The following SNX29 variants were observed in gnomAD, a reference collection of about 807,000 sequenced individuals.
SNX29 encodes the protein sorting nexin 29.
SNX29 carries 78 observed loss-of-function variants against 102.1 expected under a neutral mutation model. The ratio of observed to expected loss-of-function variants is 0.76; its 90% CI spans 0.64 to 0.92. The LOEUF (loss-of-function observed/expected upper bound fraction) is 0.92. SNX29 is among the 40% of genes least tolerant of loss of function. SNX29 has a pLI of 0.00. For synonymous variants in SNX29, 580 were observed against 414.5 expected (o/e 1.40, Z -4.85); for missense variants, 1,280 against 1,061.7 (o/e 1.21, Z -2.86).
At chr16:12,150,665 C>T (rs191789872) in intron 13 of SNX29, among the ~76,000 whole-genome samples, 5 of 152,308 alleles carry the variant, frequency 3.3e-5, no homozygotes, top group East Asian at 1.9e-4. Flanking sequence ...AGATAGTGTG[C>T]GTGAGCTGCA....
At chr16:12,016,570 T>A (rs919244232) in intron 3 of SNX29, among the ~76,000 whole-genome samples, 3 of 152,208 alleles carry the variant, frequency 2.0e-5, no homozygotes, top group Non-Finnish European at 4.4e-5. Context: ...TCTGTGTCCT[T>A]GCTAGCATTT....
At chr16:12,319,262 C>G (rs113195389) in intron 15 of SNX29, among the ~76,000 whole-genome samples, 7,656 of 152,236 alleles carry the variant, frequency 0.05, 286 homozygotes, top group African/African-American at 0.098. Flanking sequence ...CTGCCACAAT[C>G]CCAGCACTGT....
chr16:12,547,769 A>C (rs868491007), intron 20 of SNX29, among the ~76,000 whole-genome samples: 1 of 152,140 alleles, frequency 6.6e-6, no homozygotes, highest in Non-Finnish European at 1.5e-5. Flanking sequence ...GCAGCTGCTC[A>C]CACTTGCCTG....
At chr16:12,326,302 A>C (rs1039280582) in intron 15 of SNX29, among the ~76,000 whole-genome samples, 5 of 148,750 alleles carry the variant, frequency 3.4e-5, no homozygotes, top group South Asian at 2.1e-4. Flanking sequence ...GTGTGAGCCC[A>C]GCCAAATAAA....
intron 20 of SNX29, among the ~76,000 whole-genome samples, chr16:12,538,814 A>G (rs2077193484): frequency 1.3e-5 from 2 of 152,336 alleles, no homozygotes; most frequent in African/African-American, 4.8e-5. Context: ...AACCAGAGTC[A>G]GTGGGAGGGC....
intron 11 of SNX29, among the ~76,000 whole-genome samples, chr16:12,125,782 A>C (rs950361243): frequency 3.3e-5 from 5 of 152,128 alleles, no homozygotes; most frequent in African/African-American, 1.2e-4. Context: ...TACTTGAGGC[A>C]GTACTTGCCA....
chr16:12,265,596 C>T (rs2142545700), intron 14 of SNX29, among the ~76,000 whole-genome samples: 1 of 148,556 alleles, frequency 6.7e-6, no homozygotes, highest in East Asian at 2.0e-4. Context: ...CACAGTGGCT[C>T]ATGCCTATAA....
chr16:12,410,544 C>T (rs780960101), intron 18 of SNX29, among the ~76,000 whole-genome samples: 22 of 152,074 alleles, frequency 1.4e-4, no homozygotes, highest in Admixed American at 5.2e-4. Context: ...ATTTCCAGGT[C>T]AAGCAATCCT....
chr16:12,345,203 A>G (rs917954153), intron 15 of SNX29, among the ~76,000 whole-genome samples: 1 of 152,204 alleles, frequency 6.6e-6, no homozygotes, highest in Non-Finnish European at 1.5e-5. Flanking sequence ...AGACATTACC[A>G]TCTGCAGAAG....
intron 14 of SNX29, among the ~76,000 whole-genome samples, chr16:12,233,994 C>A (rs953272282): frequency 6.6e-6 from 1 of 152,148 alleles, no homozygotes; most frequent in Non-Finnish European, 1.5e-5. Context: ...ATTTTGTTTA[C>A]CCTTTCGTTA....
At chr16:12,435,769 G>C (rs138483564) in intron 18 of SNX29, among the ~76,000 whole-genome samples, 3 of 152,294 alleles carry the variant, frequency 2.0e-5, no homozygotes, top group Non-Finnish European at 4.4e-5. Flanking sequence ...TCTCCTTGCA[G>C]CAGAGCCAGC....
intron 18 of SNX29, among the ~76,000 whole-genome samples, chr16:12,437,319 G>A (rs1429942166): frequency 6.6e-6 from 1 of 150,504 alleles, no homozygotes; most frequent in Non-Finnish European, 1.5e-5. Flanking sequence ...GTCACACACT[G>A]TGCTCTCAGC....
chr16:12,346,564 C>T (rs537779103), intron 15 of SNX29, among the ~76,000 whole-genome samples: 31 of 152,280 alleles, frequency 2.0e-4, no homozygotes, highest in South Asian at 1.5e-3. Context: ...CACCCTCTCC[C>T]GTACTGCTCT....
intron 7 of SNX29, among the ~76,000 whole-genome samples, chr16:12,050,691 G>C (rs944968293): frequency 6.6e-6 from 1 of 151,972 alleles, no homozygotes; most frequent in Non-Finnish European, 1.5e-5. Flanking sequence ...CTAGCTACTA[G>C]AACTCACACA....
At chr16:12,519,337 C>T (rs1380836441) in intron 19 of SNX29, among the ~76,000 whole-genome samples, 1 of 152,182 alleles carries the variant, frequency 6.6e-6, no homozygotes, top group African/African-American at 2.4e-5. Flanking sequence ...GTATTGCATT[C>T]AACCTATTAA....
At chr16:12,364,216 A>ATGTTC (rs1465856889) in intron 16 of SNX29, among the ~76,000 whole-genome samples, 2 of 147,764 alleles carry the variant, frequency 1.4e-5, no homozygotes, top group East Asian at 4.0e-4. Flanking sequence ...ATGTTATGTT[A>ATGTTC]TTTTTGTAGA....
intron 13 of SNX29, among the ~76,000 whole-genome samples, chr16:12,171,959 C>A (rs916216534): frequency 6.6e-6 from 1 of 152,150 alleles, no homozygotes; most frequent in Admixed American, 6.5e-5. Context: ...AGGACATTGA[C>A]GAGGATGCGG....
chr16:12,543,323 C>T (rs1407472578), intron 20 of SNX29, among the ~76,000 whole-genome samples: 5 of 152,140 alleles, frequency 3.3e-5, no homozygotes, highest in Non-Finnish European at 7.4e-5. Flanking sequence ...CCTTGATTAG[C>T]CAAATCTGGG....
At chr16:12,002,915 C>T (rs1386683954) in intron 2 of SNX29, 76 bp from the exon 3 acceptor site, 19 of 1,564,142 alleles carry the variant, frequency 1.2e-5, no homozygotes, top group Non-Finnish European at 8.8e-7. Flanking sequence ...ACCCTTAAGC[C>T]CTGTGTAGGC....
Sources: allele counts gnomAD v4.1 joint callset (sites outside exome capture counted in the v4.1 genomes callset), GRCh38; gene constraint gnomAD v4.1.1; transcripts MANE v1.5; gene names NCBI Gene and HGNC (gene_info 2026-07-23, HGNC 2026-07-21).